MTUS1: variants seen among roughly 807,000 people sequenced by gnomAD.
MTUS1 encodes the protein microtubule-associated tumor suppressor 1.
Under a neutral mutation model 120.8 loss-of-function variants are expected in MTUS1, and 109 were observed. The ratio of observed to expected loss-of-function variants is 0.90; its 90% CI spans 0.77 to 1.06. The LOEUF (loss-of-function observed/expected upper bound fraction) is 1.06, where lower values mean the gene tolerates loss of function less well. Among genes scored for constraint, MTUS1 ranks in the 50% least tolerant of loss-of-function variants. The pLI is 0.00. For missense variants in MTUS1, 2,210 were observed against 1,486.3 expected (o/e 1.49, Z -8.01); for synonymous variants, 737 against 550.5 (o/e 1.34, Z -4.74).
chr8:17,675,756 A>G (rs948463324), intron 7 of MTUS1, among the ~76,000 whole-genome samples: 3 of 152,252 alleles, frequency 2.0e-5, no homozygotes, highest in Non-Finnish European at 4.4e-5. Flanking sequence ...GCTATAGCAG[A>G]AAGATAATCC....
chr8:17,772,246 A>C (rs1167324182), intron 1 of MTUS1, among the ~76,000 whole-genome samples: 2 of 152,190 alleles, frequency 1.3e-5, no homozygotes, highest in Admixed American at 6.5e-5. Context: ...TGCCTATAGA[A>C]ACTAGACACA....
At chr8:17,692,495 T>A (rs1167788732) in intron 6 of MTUS1, among the ~76,000 whole-genome samples, 1 of 152,160 alleles carries the variant, frequency 6.6e-6, no homozygotes, top group African/African-American at 2.4e-5. Flanking sequence ...AGTGAAGCTG[T>A]TAATTCCATC....
chr8:17,751,282 G>A (rs533600798), intron 2 of MTUS1, among the ~76,000 whole-genome samples: 42 of 151,764 alleles, frequency 2.8e-4, no homozygotes, highest in African/African-American at 9.9e-4. Flanking sequence ...CTGGGTGAGA[G>A]AGGAGACTCC....
At chr8:17,700,097 G>A (rs1454727631) in intron 6 of MTUS1, among the ~76,000 whole-genome samples, 1 of 152,084 alleles carries the variant, frequency 6.6e-6, no homozygotes, top group Non-Finnish European at 1.5e-5. Flanking sequence ...CATCACCAAG[G>A]ACAGTAGAGG....
At chr8:17,646,934 T>C (rs771853232) in intron 14 of MTUS1, 48 bp downstream of exon 14, 1 of 1,408,900 alleles carries the variant, frequency 7.1e-7, no homozygotes, top group African/African-American at 1.4e-5. Flanking sequence ...ACACTGGATG[T>C]CCAAGGGAGC....
At chr8:17,797,249 C>CA (rs2052316018) in intron 1 of MTUS1, among the ~76,000 whole-genome samples, 2 of 151,658 alleles carry the variant, frequency 1.3e-5, no homozygotes. Context: ...CTTGTCTCTA[C>CA]AAAAAATACA....
upstream of MTUS1, among the ~76,000 whole-genome samples, chr8:17,801,095 G>A (rs1319327431): frequency 6.6e-6 from 1 of 151,984 alleles, no homozygotes; most frequent in Non-Finnish European, 1.5e-5. Flanking sequence ...GAGCAAAGAC[G>A]CAGAGGCGGG....
intron 13 of MTUS1, among the ~76,000 whole-genome samples, chr8:17,647,931 C>T (rs998893125): frequency 1.3e-5 from 2 of 152,150 alleles, no homozygotes; most frequent in African/African-American, 4.8e-5. Flanking sequence ...TAGTTTGGAA[C>T]CTGATTGTTC....
intron 8 of MTUS1, among the ~76,000 whole-genome samples, chr8:17,671,160 G>T (rs1384512177): frequency 4.6e-5 from 7 of 151,886 alleles, no homozygotes; most frequent in Non-Finnish European, 1.0e-4. Flanking sequence ...GTATGAAGTT[G>T]TATATATTCA....
chr8:17,731,859 A>T (rs1204503751), intron 3 of MTUS1, among the ~76,000 whole-genome samples: 1 of 152,228 alleles, frequency 6.6e-6, no homozygotes, highest in Non-Finnish European at 1.5e-5. Flanking sequence ...TGGTGAGCCA[A>T]CTGTCATTCC....
chr8:17,798,492 T>C (rs1346731517), intron 1 of MTUS1, among the ~76,000 whole-genome samples: 3 of 152,066 alleles, frequency 2.0e-5, no homozygotes, highest in Admixed American at 6.6e-5. Flanking sequence ...GCCAACACAA[T>C]TGACTAATTT....
chr8:17,691,782 G>C (rs1478997472), intron 6 of MTUS1, among the ~76,000 whole-genome samples: 1 of 152,040 alleles, frequency 6.6e-6, no homozygotes, highest in African/African-American at 2.4e-5. Context: ...AAGAGAAATT[G>C]AAGTTTACTT....
intron 1 of MTUS1, among the ~76,000 whole-genome samples, chr8:17,784,682 G>A (rs767845006): frequency 2.0e-5 from 3 of 152,152 alleles, no homozygotes; most frequent in Non-Finnish European, 4.4e-5. Context: ...ATAGCATGCA[G>A]AACAGTCTCC....
At chr8:17,712,971 C>T (rs1241752735) in intron 6 of MTUS1, among the ~76,000 whole-genome samples, 1 of 152,130 alleles carries the variant, frequency 6.6e-6, no homozygotes, top group African/African-American at 2.4e-5. Flanking sequence ...ACCACATTAA[C>T]AAAATCATTT....
At chr8:17,649,006 C>T (rs1265164229) in intron 13 of MTUS1, among the ~76,000 whole-genome samples, 1 of 152,250 alleles carries the variant, frequency 6.6e-6, no homozygotes, top group East Asian at 1.9e-4. Context: ...TAACATCGTT[C>T]TCTGTTCTAG....
chr8:17,656,354 CCTGT>C (rs751645905), intron 8 of MTUS1, among the ~76,000 whole-genome samples: 3 of 151,906 alleles, frequency 2.0e-5, no homozygotes, highest in Non-Finnish European at 4.4e-5. Flanking sequence ...ATGGTAAAAC[CCTGT>C]CTATCTTAAA....
In MTUS1 at chr8:17,646,097, C is replaced by A; in HGVS notation, c.3642G>T (p.Glu1214Asp). 6.2e-7 allele frequency: 1 copy of A among 1,612,800 alleles called. No homozygotes were observed. Among genetic ancestry groups the A allele is most frequent in the Non-Finnish European group, 8.5e-7 (1 of 1,179,566 alleles). Residue 1214 changes from glutamate to aspartate, a missense_variant, in exon 15 of 15, where the codon GAG (glutamate) becomes GAT (aspartate). Glu to Asp is a conservative substitution (Grantham distance 45, BLOSUM62 2). Coordinates refer to ENST00000693296, the MANE Select transcript of MTUS1 (RefSeq NM_001363059.2). The stretch of plus-strand genomic sequence containing the variant: ...GTCGCTTGTTGACTTTCGACTCCTT[C>A]TCCAGCGACTCTTGCAGAACAGCCT... ...TEQAVLQESL[E>D]KESKVNKRLS...
At chr8:17,747,213 T>A (rs78306462) in intron 2 of MTUS1, among the ~76,000 whole-genome samples, 12,192 of 150,892 alleles carry the variant, frequency 0.081, 600 homozygotes, top group East Asian at 0.17. Context: ...AGGGTTCCAT[T>A]CTCCCAGCTC....
chr8:17,714,578 T>C (rs958027234), intron 5 of MTUS1, among the ~76,000 whole-genome samples: 49 of 152,164 alleles, frequency 3.2e-4, no homozygotes, highest in Non-Finnish European at 4.3e-4. Context: ...TGGACAACCA[T>C]AGAATAGCCA....
Sources: allele counts gnomAD v4.1 joint callset (sites outside exome capture counted in the v4.1 genomes callset), GRCh38; gene constraint gnomAD v4.1.1; transcripts MANE v1.5; gene names NCBI Gene and HGNC (gene_info 2026-07-23, HGNC 2026-07-21).